MAD1L1: variants seen among roughly 807,000 people sequenced by gnomAD.
MAD1L1 encodes mitotic spindle assembly checkpoint protein MAD1.
Under a neutral mutation model 96.9 loss-of-function variants are expected in MAD1L1, and 95 were observed. That is an observed-to-expected ratio of 0.98 (90% CI 0.83 to 1.16). The LOEUF (loss-of-function observed/expected upper bound fraction) is 1.16. Ranked by LOEUF, MAD1L1 falls within the 50% of genes most tolerant of loss-of-function variation. The pLI is 0.00. For missense variants in MAD1L1, 1,007 were observed against 954.4 expected (o/e 1.06, Z -0.73); for synonymous variants, 473 against 396.6 (o/e 1.19, Z -2.29).
chr7:1,910,071 A>C (rs1787919355), intron 17 of MAD1L1, among the ~76,000 whole-genome samples: 1 of 152,094 alleles, frequency 6.6e-6, no homozygotes, highest in Non-Finnish European at 1.5e-5. Context: ...CAGCCACCAG[A>C]TTACGGGGTG....
At chr7:1,928,948 T>A (rs532615397) in intron 17 of MAD1L1, among the ~76,000 whole-genome samples, 2 of 152,088 alleles carry the variant, frequency 1.3e-5, no homozygotes, top group African/African-American at 4.8e-5. Flanking sequence ...GCAGGAAAAG[T>A]GTGAGTCCTG....
intron 18 of MAD1L1, chr7:1,847,310 A>C (rs1425541831): frequency 2.1e-6 from 1 of 471,122 alleles, no homozygotes; most frequent in South Asian, 1.5e-5. Flanking sequence ...CCGCTGGATT[A>C]CAGAGCAGCA....
At chr7:1,899,854 C>T (rs1440747132) in intron 17 of MAD1L1, among the ~76,000 whole-genome samples, 1 of 152,146 alleles carries the variant, frequency 6.6e-6, no homozygotes, top group Admixed American at 6.5e-5. Context: ...TGAGCAGGGA[C>T]AGGGGAGCCA....
At chr7:2,191,748 T>A (rs952156551) in intron 10 of MAD1L1, among the ~76,000 whole-genome samples, 1 of 148,966 alleles carries the variant, frequency 6.7e-6, no homozygotes, top group Non-Finnish European at 1.5e-5. Context: ...TTAAAAAAAA[T>A]TAAGCCGGGT....
chr7:2,038,210 C>A (rs1041160660), intron 12 of MAD1L1, among the ~76,000 whole-genome samples: 3 of 152,176 alleles, frequency 2.0e-5, no homozygotes, highest in African/African-American at 7.2e-5. Flanking sequence ...CTGAAGCTAG[C>A]AGAGGTGGGT....
At chr7:2,202,013 G>T (rs1468924288) in intron 10 of MAD1L1, 2 of 152,300 alleles carry the variant, frequency 1.3e-5, no homozygotes, top group East Asian at 1.9e-4. Flanking sequence ...TGCTTTGGGG[G>T]TCTCGCTGGG....
intron 18 of MAD1L1, among the ~76,000 whole-genome samples, chr7:1,830,850 G>A (rs1406990380): frequency 6.6e-6 from 1 of 152,172 alleles, no homozygotes; most frequent in African/African-American, 2.4e-5. Context: ...ACAAAGGACA[G>A]ACAGGACAAA....
intron 11 of MAD1L1, among the ~76,000 whole-genome samples, chr7:2,147,970 A>G (rs1340766038): frequency 6.6e-6 from 1 of 152,196 alleles, no homozygotes; most frequent in East Asian, 1.9e-4. Flanking sequence ...ATTCTGTTTC[A>G]TTTCCAAAGT....
intron 14 of MAD1L1, among the ~76,000 whole-genome samples, chr7:1,984,644 A>G (rs1461505934): frequency 6.6e-6 from 1 of 152,144 alleles, no homozygotes; most frequent in Non-Finnish European, 1.5e-5. Context: ...TTGAACTCAC[A>G]CTGCATGGAG....
At chr7:1,865,184 C>T (rs1057462935) in intron 18 of MAD1L1, among the ~76,000 whole-genome samples, 1 of 152,192 alleles carries the variant, frequency 6.6e-6, no homozygotes, top group Non-Finnish European at 1.5e-5. Flanking sequence ...GCACAAGCAC[C>T]CACCCTATGG....
chr7:2,208,061 T>TAA (rs1792694016), intron 10 of MAD1L1, among the ~76,000 whole-genome samples: 2 of 152,202 alleles, frequency 1.3e-5, no homozygotes, highest in Non-Finnish European at 2.9e-5. Flanking sequence ...TTTTTCCTCT[T>TAA]ACAATGTCTC....
intron 10 of MAD1L1, among the ~76,000 whole-genome samples, chr7:2,185,778 G>A (rs956054818): frequency 2.2e-4 from 34 of 152,270 alleles, no homozygotes; most frequent in Middle Eastern, 3.4e-3. Flanking sequence ...GAAAAAAATC[G>A]AAATAACAGG....
chr7:1,901,956 T>G (rs944826465), intron 17 of MAD1L1, among the ~76,000 whole-genome samples: 3 of 152,194 alleles, frequency 2.0e-5, no homozygotes, highest in Non-Finnish European at 4.4e-5. Context: ...GCTACCACCT[T>G]GCAGGGATGC....
intron 11 of MAD1L1, among the ~76,000 whole-genome samples, chr7:2,128,462 A>G (rs1188925636): frequency 6.6e-6 from 1 of 152,114 alleles, no homozygotes; most frequent in East Asian, 1.9e-4. Context: ...AGCACAGAAC[A>G]CGAACAGGAA....
rs1032836452 is a variant in MAD1L1 at position 2,114,745 on chromosome 7, G to A, written c.1073+34407C>T. On this transcript the variant is annotated intron_variant, in intron 11 of 18. Transcript: ENST00000265854. The surrounding 1 kb of genome is among the most constrained non-coding windows in gnomAD (Gnocchi z 4.2). Reference sequence around the variant, plus strand: ...ACGAATCGCCGCTGCCGCTCTCACAGCACGATGGCAGAGTTCAGCGTCTTC... The same window carrying A: ...ACGAATCGCCGCTGCCGCTCTCACAACACGATGGCAGAGTTCAGCGTCTTC... Among the ~76,000 whole-genome samples, 1 of 152,192 alleles carries A rather than the reference G, an allele frequency of 6.6e-6. No individual in the cohort carries two copies. The highest frequency in any genetic ancestry group is 1.9e-4 in the East Asian group (1 of 5,200).
In MAD1L1 at chr7:2,213,240, G is replaced by A. The variant is rs61736419; in HGVS notation, c.958C>T (p.Leu320=). The change falls in exon 10 of 19, where the codon CTG becomes TTG. Residue 320 remains leucine (L), a synonymous_variant. Coordinates refer to ENST00000265854, the MANE Select transcript of MAD1L1 (RefSeq NM_001013836.2). The part of the protein sequence containing the change: ...LLAKLQSWER[L]DQTMGLSIRT... ...ATGCTCAGGCCCATGGTCTGGTCCAGTCTCTCCCAGCTTTGCAGCTTGGCC... is the reference window on the plus strand; with the variant it reads ...ATGCTCAGGCCCATGGTCTGGTCCAATCTCTCCCAGCTTTGCAGCTTGGCC... The A allele has an allele frequency of 3.1e-3, 4,978 of 1,614,174 alleles. 143 individuals are homozygous for A. In the African/African-American group the frequency reaches 0.058, roughly 19 times the overall value.
intron 13 of MAD1L1, among the ~76,000 whole-genome samples, chr7:2,004,674 C>T (rs1259860409): frequency 4.6e-5 from 7 of 152,234 alleles, no homozygotes; most frequent in Admixed American, 3.3e-4. Context: ...TCACAGCCTC[C>T]GGCGCCACGC....
chr7:2,078,512 G>A (rs943968993), intron 11 of MAD1L1, among the ~76,000 whole-genome samples: 1 of 152,256 alleles, frequency 6.6e-6, no homozygotes, highest in African/African-American at 2.4e-5. Context: ...AGCTGCTGGA[G>A]ATTCAGATCA....
chr7:2,079,235 G>A (rs553277827), intron 11 of MAD1L1, among the ~76,000 whole-genome samples: 110 of 152,366 alleles, frequency 7.2e-4, no homozygotes, highest in African/African-American at 2.6e-3. Flanking sequence ...AGACTCGGAA[G>A]GGGCTGGGAC....
Sources: allele counts gnomAD v4.1 joint callset (sites outside exome capture counted in the v4.1 genomes callset), GRCh38; gene constraint gnomAD v4.1.1; non-coding constraint Gnocchi (gnomAD v3.1); transcripts MANE v1.5; gene names NCBI Gene and HGNC (gene_info 2026-07-23, HGNC 2026-07-21).